Variants in FRMPD1 observed in about 807,000 individuals in gnomAD.
FRMPD1 encodes the protein FERM and PDZ domain-containing protein 1.
FRMPD1 carries 76 observed loss-of-function variants against 117.8 expected under a neutral mutation model. The observed-to-expected ratio is 0.65, with a 90% confidence interval of 0.54 to 0.78. The LOEUF (loss-of-function observed/expected upper bound fraction) is 0.78, where lower values mean the gene tolerates loss of function less well. FRMPD1 is among the 30% of genes least tolerant of loss of function. FRMPD1 has a pLI of 0.00. For missense variants in FRMPD1, 1,786 were observed against 1,964.5 expected (o/e 0.91, Z 1.72); for synonymous variants, 783 against 770.4 (o/e 1.02, Z -0.27).
At chr9:37,691,643 C>T (rs1822142612) in intron 1 of FRMPD1, among the ~76,000 whole-genome samples, 1 of 152,184 alleles carries the variant, frequency 6.6e-6, no homozygotes, top group Admixed American at 6.5e-5. Context: ...GTGGCTCATG[C>T]CTATAATCCC....
the FRMPD1 span, among the ~76,000 whole-genome samples, chr9:37,632,336 T>C: frequency 2.0e-5 from 3 of 152,216 alleles, no homozygotes; most frequent in African/African-American, 7.2e-5. Flanking sequence ...GTTTTCTGTA[T>C]TAGAGCTCTT....
chr9:37,615,532 G>A, the FRMPD1 span, among the ~76,000 whole-genome samples: 1 of 152,090 alleles, frequency 6.6e-6, no homozygotes, highest in Admixed American at 6.6e-5. Flanking sequence ...GTTTCTTTAA[G>A]GTGACTTAGC....
intron 13 of FRMPD1, 103 bp from the exon 14 acceptor site, chr9:37,736,993 G>A (rs1286730252): frequency 2.1e-5 from 18 of 864,328 alleles, no homozygotes; most frequent in African/African-American, 3.4e-5. Flanking sequence ...GACCATGGCC[G>A]GATTTACCTG....
the FRMPD1 span, among the ~76,000 whole-genome samples, chr9:37,638,026 C>CTTTCTTTCTTTCTTTTTTTCTT: frequency 2.1e-5 from 1 of 47,334 alleles, no homozygotes; most frequent in Non-Finnish European, 4.1e-5. Flanking sequence ...CTTTCTTTCT[C>CTTTCTTTCTTTCTTTTTTTCTT]TCTCTTTCTT....
intron 1 of FRMPD1, among the ~76,000 whole-genome samples, chr9:37,676,955 A>T (rs1322042583): frequency 1.3e-5 from 2 of 152,162 alleles, no homozygotes; most frequent in Non-Finnish European, 2.9e-5. Flanking sequence ...CTTAATCTTG[A>T]TCTCCTCTAC....
chr9:37,701,061 G>A (rs1475075949), intron 2 of FRMPD1, among the ~76,000 whole-genome samples: 1 of 152,144 alleles, frequency 6.6e-6, no homozygotes, highest in Non-Finnish European at 1.5e-5. Flanking sequence ...TGGCCTTTGG[G>A]GAAAATGTCA....
At chr9:37,609,654 A>T in the FRMPD1 span, among the ~76,000 whole-genome samples, 1 of 152,170 alleles carries the variant, frequency 6.6e-6, no homozygotes, top group African/African-American at 2.4e-5. Context: ...AAGTCTGTTC[A>T]TCATGGTAGC....
chr9:37,699,843 A>T (rs1020058223), intron 2 of FRMPD1, among the ~76,000 whole-genome samples: 2 of 152,156 alleles, frequency 1.3e-5, no homozygotes, highest in African/African-American at 4.8e-5. Context: ...ACATGCATAC[A>T]TGTGTACACA....
chr9:37,688,919 A>G (rs1271149392), intron 1 of FRMPD1, among the ~76,000 whole-genome samples: 1 of 152,072 alleles, frequency 6.6e-6, no homozygotes, highest in Non-Finnish European at 1.5e-5. Flanking sequence ...ATGTTATTAG[A>G]AGAATATATT....
the FRMPD1 span, among the ~76,000 whole-genome samples, chr9:37,637,964 CTTTCT>C: frequency 0.016 from 529 of 32,154 alleles, 72 homozygotes; most frequent in African/African-American, 0.049. Flanking sequence ...ATGGTGTATG[CTTTCT>C]TTCTTTCTTT....
chr9:37,711,457 C>T, intron 5 of FRMPD1, 62 bp downstream of exon 5: 1 of 1,229,304 alleles, frequency 8.1e-7, no homozygotes, highest in Non-Finnish European at 1.2e-6. Context: ...GACCCTGTTC[C>T]CCCAGAGGAT....
intron 1 of FRMPD1, among the ~76,000 whole-genome samples, chr9:37,653,505 C>G (rs62534446): frequency 1.3e-5 from 2 of 152,114 alleles, no homozygotes; most frequent in Admixed American, 6.5e-5. Flanking sequence ...GTGTTCAGAT[C>G]AGATACTAAC....
intron 5 of FRMPD1, chr9:37,715,801 C>T (rs1312155321): frequency 4.9e-6 from 2 of 410,096 alleles, no homozygotes; most frequent in Non-Finnish European, 9.8e-6. Flanking sequence ...ATTTTCATGT[C>T]AGCATTTTTT....
At chr9:37,678,249 C>A (rs80147775) in intron 1 of FRMPD1, among the ~76,000 whole-genome samples, 1 of 112,736 alleles carries the variant, frequency 8.9e-6, no homozygotes, top group East Asian at 3.0e-4. Flanking sequence ...TAGTACTTAC[C>A]ACTTTTTTTT....
intron 2 of FRMPD1, among the ~76,000 whole-genome samples, chr9:37,699,333 T>G (rs563153582): frequency 6.6e-6 from 1 of 151,834 alleles, no homozygotes; most frequent in Non-Finnish European, 1.5e-5. Flanking sequence ...TTTTTTTTTT[T>G]TTTTGAGATA....
chr9:37,746,586 G>A lies in FRMPD1; in HGVS notation c.4554G>A (p.Arg1518=). ...TDCSRCSARH[R]EAAGNLRDVV... ...GTAGCCGCTGCTCCGCCCGGCACAG[G>A]GAGGCAGCGGGGAACCTGAGGGATG... Residue 1518 remains arginine, a synonymous_variant, in exon 16 of 16, where the codon AGG becomes AGA. Transcript: ENST00000377765. 1 of 1,613,938 alleles carries A rather than the reference G, an allele frequency of 6.2e-7. No individual in the cohort carries two copies. The highest frequency in any genetic ancestry group is 1.1e-5 in the South Asian group (1 of 91,082).
chr9:37,638,144 G>T, the FRMPD1 span, among the ~76,000 whole-genome samples: 1 of 151,110 alleles, frequency 6.6e-6, no homozygotes, highest in South Asian at 2.1e-4. Context: ...CGTTATCTCG[G>T]CTCGCTGCAA....
intron 2 of FRMPD1, among the ~76,000 whole-genome samples, chr9:37,697,918 C>T (rs1822383619): frequency 6.6e-6 from 1 of 152,164 alleles, no homozygotes; most frequent in South Asian, 2.1e-4. Context: ...AGTTCGAGAC[C>T]AGCCTGGCCA....
rs548960796 is a variant in FRMPD1 at position 37,663,494 on chromosome 9, A to G, written c.-5+12400A>G. 5.9e-5 allele frequency among the ~76,000 whole-genome samples: 9 copies of G among 152,294 alleles called. No homozygotes were observed. The East Asian group carries it at 1.7e-3, about 29-fold the overall frequency. On this transcript the variant is annotated intron_variant, in intron 1 of 15. Coordinates refer to ENST00000377765, the MANE Select transcript of FRMPD1 (RefSeq NM_014907.3). ...GCCTTAATAATGAAAACATTTCTTC[A>G]ATGCACAAGGCTCTAGCAGGCCTCT... is the stretch of plus-strand genomic sequence containing the variant.
Sources: allele counts gnomAD v4.1 joint callset (sites outside exome capture counted in the v4.1 genomes callset), GRCh38; gene constraint gnomAD v4.1.1; transcripts MANE v1.5; gene names NCBI Gene and HGNC (gene_info 2026-07-23, HGNC 2026-07-21).